The following SPEF2 variants were observed in gnomAD, a reference collection of about 807,000 sequenced individuals.
SPEF2 encodes sperm flagella and cilia-associated protein 2.
In SPEF2, 187 loss-of-function variants were observed where a neutral mutation model predicts 224.6. That is an observed-to-expected ratio of 0.83 (90% CI 0.74 to 0.94). SPEF2 has a LOEUF of 0.94. Among genes scored for constraint, SPEF2 ranks in the 40% least tolerant of loss-of-function variants. SPEF2 has a pLI of 0.00. For synonymous variants in SPEF2, 715 were observed against 707.3 expected, an observed-to-expected ratio of 1.01 and a Z score of -0.17; for missense variants, 2,170 against 2,135.6, an observed-to-expected ratio of 1.02 and a Z score of -0.32.
intron 30 of SPEF2, among the ~76,000 whole-genome samples, chr5:35,782,598 G>A (rs1754495832): frequency 6.6e-6 from 1 of 151,942 alleles, no homozygotes. Context: ...ACAAATACAA[G>A]TATTGGATTA....
intron 8 of SPEF2, among the ~76,000 whole-genome samples, chr5:35,663,840 T>G (rs1448514410): frequency 6.6e-6 from 1 of 152,144 alleles, no homozygotes; most frequent in Non-Finnish European, 1.5e-5. Flanking sequence ...AGTCATCAGG[T>G]GCAAGCCCAG....
intron 2 of SPEF2, among the ~76,000 whole-genome samples, chr5:35,629,491 T>C (rs1250335535): frequency 6.6e-6 from 1 of 152,124 alleles, no homozygotes. Context: ...TGAAACAACA[T>C]ATAGTGCTTT....
At chr5:35,789,564 G>A in intron 30 of SPEF2, 1 of 652,496 alleles carries the variant, frequency 1.5e-6, no homozygotes, top group East Asian at 2.7e-5. Context: ...CAGAGGGAAA[G>A]AAAACATTTC....
At chr5:35,743,160 C>T (rs1193542825) in intron 23 of SPEF2, among the ~76,000 whole-genome samples, 1 of 151,298 alleles carries the variant, frequency 6.6e-6, no homozygotes, top group Non-Finnish European at 1.5e-5. Flanking sequence ...TTTTATTTTT[C>T]TTCACTTATT....
chr5:35,643,847 A>G (rs182101078), intron 3 of SPEF2, among the ~76,000 whole-genome samples: 1 of 152,134 alleles, frequency 6.6e-6, no homozygotes, highest in South Asian at 2.1e-4. Flanking sequence ...TTTACAGATG[A>G]TGAAACTAAG....
intron 1 of SPEF2, among the ~76,000 whole-genome samples, chr5:35,622,215 G>A (rs1743619032): frequency 6.6e-6 from 1 of 152,020 alleles, no homozygotes; most frequent in African/African-American, 2.4e-5. Context: ...AATCTTAGTA[G>A]CATTTGTTTT....
intron 14 of SPEF2, among the ~76,000 whole-genome samples, chr5:35,696,942 C>A (rs1755424258): frequency 6.6e-6 from 1 of 152,078 alleles, no homozygotes; most frequent in Non-Finnish European, 1.5e-5. Context: ...AGGTGCCTGG[C>A]CAGCGGGGCC....
At chr5:35,677,805 G>T (rs1752230071) in intron 10 of SPEF2, among the ~76,000 whole-genome samples, 1 of 152,170 alleles carries the variant, frequency 6.6e-6, no homozygotes, top group Admixed American at 6.5e-5. Context: ...TAAGGGAGAG[G>T]ATCTCCCAGA....
intron 7 of SPEF2, among the ~76,000 whole-genome samples, chr5:35,657,548 A>C (rs775512718): frequency 2.6e-5 from 4 of 152,002 alleles, no homozygotes; most frequent in Admixed American, 6.6e-5. Flanking sequence ...TGAACAATTG[A>C]GTATTAGGAG....
intron 19 of SPEF2, 68 bp downstream of exon 19, chr5:35,709,189 T>C: frequency 6.3e-7 from 1 of 1,582,164 alleles, no homozygotes; most frequent in South Asian, 1.2e-5. Context: ...GAATTATAAA[T>C]TATAGTCTAT....
intron 20 of SPEF2, among the ~76,000 whole-genome samples, chr5:35,718,838 T>A (rs879483287): frequency 3.3e-5 from 5 of 152,166 alleles, no homozygotes; most frequent in Non-Finnish European, 7.4e-5. Flanking sequence ...CTAGATCCAA[T>A]TTTCCTGCCT....
intron 8 of SPEF2, among the ~76,000 whole-genome samples, chr5:35,663,584 G>A (rs772264706): frequency 5.9e-5 from 9 of 151,934 alleles, no homozygotes; most frequent in Admixed American, 5.2e-4. Context: ...TCTCTTCATC[G>A]TGTCCATTTT....
At chr5:35,807,670 T>C in intron 36 of SPEF2, 4 of 1,536,058 alleles carry the variant, frequency 2.6e-6, no homozygotes, top group Non-Finnish European at 3.5e-6. Flanking sequence ...GAAATGATAG[T>C]GTGTGCAAAA....
intron 36 of SPEF2, chr5:35,807,690 C>CAATGAAAAGATGTCCATGGAAA: frequency 6.5e-7 from 1 of 1,536,026 alleles, no homozygotes; most frequent in Non-Finnish European, 8.7e-7. Context: ...AGGTTGGGCA[C>CAATGAAAAGATGTCCATGGAAA]CACTTCCATC....
intron 10 of SPEF2, among the ~76,000 whole-genome samples, chr5:35,679,187 G>A (rs1752430004): frequency 6.6e-6 from 1 of 152,330 alleles, no homozygotes; most frequent in South Asian, 2.1e-4. Context: ...GTATACTTCT[G>A]TAGTATTTTA....
At chr5:35,708,856 G>A in intron 18 of SPEF2, 92 bp from the exon 19 acceptor site, 3 of 1,196,840 alleles carry the variant, frequency 2.5e-6, no homozygotes, top group Non-Finnish European at 3.5e-6. Flanking sequence ...ACGTAAGATT[G>A]TTTTATATTA....
At chr5:35,774,634 G>T (rs561088795) in intron 28 of SPEF2, among the ~76,000 whole-genome samples, 44 of 152,174 alleles carry the variant, frequency 2.9e-4, no homozygotes, top group African/African-American at 1.0e-3. Context: ...AATCTGAAAA[G>T]ATCAGGAAAC....
rs565093230 is a variant in SPEF2, at chr5:35,788,965, T to C, written c.4448-3375T>C. 5.7e-6 allele frequency: 4 copies of C among 702,980 alleles called. No individual in the cohort carries two copies. In the South Asian group the frequency reaches 5.9e-5, roughly 10 times the overall value. The allele number at this position is 702,980 out of a possible 1,614,324, so 43.5% of individuals were successfully genotyped here. A position where few individuals can be genotyped will look rare whatever the true frequency, so the allele number is the denominator to read the frequency against. ...AAATAGGAGACAGGAAGTGGCTTCA[T>C]GGATTACAGGCAGCCCTCCAGAACT... On this transcript the variant is annotated intron_variant, in intron 30 of 36. Coordinates refer to ENST00000356031, the MANE Select transcript of SPEF2 (RefSeq NM_024867.4).
chr5:35,779,199 G>T lies in SPEF2; in HGVS notation c.4300G>T (p.Asp1434Tyr), dbSNP rs762164674. Reference sequence around the variant, plus strand: ...GAATGAACTTTATTTAAGCCAAGAAGACTTCTTCATTAATGGCAATATAAA... The same window carrying T: ...GAATGAACTTTATTTAAGCCAAGAATACTTCTTCATTAATGGCAATATAAA... Reference protein sequence around the residue: ...IQNELYLSQEDFFINGNIKVF... With the variant: ...IQNELYLSQEYFFINGNIKVF... Residue 1434 changes from aspartate (D) to tyrosine (Y), a missense_variant, in exon 30 of 37, where the codon GAC becomes TAC. Coordinates refer to ENST00000356031, the MANE Select transcript of SPEF2 (RefSeq NM_024867.4). The T allele has an allele frequency of 8.1e-6, 13 of 1,613,702 alleles. No individual in the cohort carries two copies. The highest frequency in any genetic ancestry group is 1.7e-5 in the Admixed American group (1 of 59,960).
Sources: gnomAD v4.1 joint callset for allele counts (sites outside exome capture counted in the v4.1 genomes callset) on GRCh38, gnomAD v4.1.1 for gene constraint, MANE v1.5 for transcripts, NCBI Gene and HGNC (gene_info 2026-07-23, HGNC 2026-07-21) for gene names.